The following PPME1 variants were observed in gnomAD, a reference collection of about 807,000 sequenced individuals.
PPME1 encodes the protein protein phosphatase methylesterase 1.
Under a neutral mutation model 56.9 loss-of-function variants are expected in PPME1, and 17 were observed. The ratio of observed to expected loss-of-function variants is 0.30; its 90% confidence interval spans 0.20 to 0.45. The LOEUF is 0.45. Among genes scored for constraint, PPME1 ranks in the 20% least tolerant of loss-of-function variants. PPME1 has a pLI of 1.00. For synonymous variants in PPME1, 122 were observed against 156.2 expected, an observed-to-expected ratio of 0.78 and a Z score of 1.63; for missense variants, 357 against 483.2, an observed-to-expected ratio of 0.74 and a Z score of 2.45.
At chr11:74,178,816 A>G (rs1461710604) in intron 1 of PPME1, among the ~76,000 whole-genome samples, 2 of 152,070 alleles carry the variant, frequency 1.3e-5, no homozygotes, top group African/African-American at 4.8e-5. Context: ...TTTATTTTAA[A>G]CCTAATGAGC....
At chr11:74,236,735 A>G (rs908006008) in intron 8 of PPME1, among the ~76,000 whole-genome samples, 20 of 152,138 alleles carry the variant, frequency 1.3e-4, no homozygotes, top group South Asian at 1.0e-3. Flanking sequence ...CTGTGCCCCT[A>G]TGTATTTCCC....
chr11:74,242,228 A>G (rs568744550), intron 9 of PPME1, among the ~76,000 whole-genome samples: 7 of 152,354 alleles, frequency 4.6e-5, no homozygotes, highest in South Asian at 4.1e-4. Context: ...ATTTATTGAA[A>G]AGGCTCCTTT....
intron 1 of PPME1, among the ~76,000 whole-genome samples, chr11:74,182,384 A>G (rs1857564410): frequency 1.3e-5 from 2 of 151,298 alleles, no homozygotes; most frequent in African/African-American, 4.9e-5. Context: ...TTTGAGACAG[A>G]GTTCTCACTC....
intron 5 of PPME1, among the ~76,000 whole-genome samples, chr11:74,225,904 G>C (rs567492680): frequency 6.6e-6 from 1 of 152,242 alleles, no homozygotes; most frequent in East Asian, 1.9e-4. Context: ...AATGACTGTT[G>C]TTTGGGAATC....
intron 1 of PPME1, among the ~76,000 whole-genome samples, chr11:74,174,127 A>G (rs534451719): frequency 5.9e-4 from 86 of 144,994 alleles, no homozygotes; most frequent in African/African-American, 2.4e-3. Flanking sequence ...ACATGGTCTC[A>G]TTTCACCACT....
At chr11:74,222,587 C>T (rs1350984835) in intron 4 of PPME1, 2 of 481,392 alleles carry the variant, frequency 4.2e-6, no homozygotes, top group African/African-American at 2.0e-5. Context: ...CTCCTGGGTT[C>T]AAGCAATTAT....
At chr11:74,216,911 G>A (rs191482983) in intron 3 of PPME1, among the ~76,000 whole-genome samples, 78 of 152,206 alleles carry the variant, frequency 5.1e-4, no homozygotes, top group African/African-American at 1.8e-3. Context: ...ACCTACGAAG[G>A]TTGAACCATG....
At position 74,209,899 on chromosome 11, in the gene PPME1, T is replaced by C. The variant is rs189628653; in HGVS notation, c.288+5454T>C. ...AGGAAAACTAAGCCAGTGTCTCTTATAAAATAGATACAGAAGTGGGGCATA... is the reference window on the plus strand; with the variant it reads ...AGGAAAACTAAGCCAGTGTCTCTTACAAAATAGATACAGAAGTGGGGCATA... On this transcript the variant is annotated intron_variant, in intron 3 of 13. Transcript: ENST00000328257. Among the ~76,000 whole-genome samples the C allele has an allele frequency of 6.3e-4, 96 of 152,250 alleles. 1 individual carries two copies. The highest frequency in any genetic ancestry group is 2.2e-3 in the African/African-American group (90 of 41,550).
rs776767719 is a variant in PPME1 at position 74,239,202 on chromosome 11, A to T, written c.780A>T (p.Glu260Asp). The T allele has an allele frequency of 1.6e-5, 25 of 1,612,678 alleles. No homozygotes were observed. The highest frequency in any genetic ancestry group is 2.0e-5 in the Non-Finnish European group (24 of 1,178,982). ...IVEGIIEEEE[E>D]DEEGSESISK... ...AAGGAATCATAGAGGAAGAAGAAGA[A>T]GATGAGGAAGGAAGTGAGTCTATAA... is the stretch of plus-strand genomic sequence containing the variant. Residue 260 changes from glutamate (E) to aspartate (D), a missense_variant, in exon 9 of 14, where the codon GAA becomes GAT. Physicochemically the swap from Glu to Asp is conservative, Grantham distance 45 (BLOSUM62 2). Around this residue, in one of 2 missense-constraint regions of PPME1, gnomAD observed 182 missense variants for 293.8 expected, o/e 0.62. Coordinates refer to ENST00000328257, the MANE Select transcript of PPME1 (RefSeq NM_016147.3).
chr11:74,202,761 T>A (rs1033237874), intron 1 of PPME1, among the ~76,000 whole-genome samples: 1 of 152,158 alleles, frequency 6.6e-6, no homozygotes, highest in Non-Finnish European at 1.5e-5. Context: ...TAATAATACA[T>A]GATCAAAAAT....
At chr11:74,182,195 AT>A (rs1205951970) in intron 1 of PPME1, among the ~76,000 whole-genome samples, 1 of 151,262 alleles carries the variant, frequency 6.6e-6, no homozygotes, top group Non-Finnish European at 1.5e-5. Flanking sequence ...ACTTGACTTT[AT>A]TTTTTTTTAA....
chr11:74,252,795 C>G (rs1264084890), intron 13 of PPME1, among the ~76,000 whole-genome samples: 1 of 152,144 alleles, frequency 6.6e-6, no homozygotes, highest in East Asian at 1.9e-4. Context: ...AGGGCCAGGT[C>G]TCTCATCCTA....
intron 3 of PPME1, 48 bp from the exon 4 acceptor site, chr11:74,222,264 A>G: frequency 7.0e-7 from 1 of 1,430,502 alleles, no homozygotes; most frequent in Non-Finnish European, 9.8e-7. Context: ...AATTGGGTGA[A>G]ATTTGTTATC....
intron 9 of PPME1, among the ~76,000 whole-genome samples, chr11:74,245,381 T>C (rs552302889): frequency 6.6e-6 from 1 of 152,298 alleles, no homozygotes; most frequent in African/African-American, 2.4e-5. Flanking sequence ...ATTTCAATTA[T>C]AATGTTTCAA....
intron 1 of PPME1, among the ~76,000 whole-genome samples, chr11:74,176,721 C>CTTTTT (rs780832040): frequency 8.8e-5 from 9 of 102,170 alleles, no homozygotes; most frequent in Non-Finnish European, 1.3e-4. Context: ...GTGTAGTGTC[C>CTTTTT]TTTTTTTTTT....
chr11:74,203,839 GCTT>G lies in PPME1; in HGVS notation c.195+19_195+21del. On this transcript the variant is annotated intron_variant, in intron 2 of 13. Coordinates refer to ENST00000328257, the MANE Select transcript of PPME1 (RefSeq NM_016147.3). ...GCAAGGATATATCCTTTGCAAAATG[GCTT>G]ATTCTTTAGTGAGCTTATGATGTTG... The G allele has an allele frequency of 6.4e-7, 1 of 1,556,058 alleles. No individual in the cohort carries two copies. Among genetic ancestry groups the G allele is most frequent in the Non-Finnish European group, 8.8e-7 (1 of 1,139,316 alleles).
intron 1 of PPME1, among the ~76,000 whole-genome samples, chr11:74,191,034 G>A (rs1440475241): frequency 6.6e-6 from 1 of 152,196 alleles, no homozygotes; most frequent in African/African-American, 2.4e-5. Context: ...CTCACAGCCT[G>A]GTATCAGATA....
At chr11:74,198,023 G>T (rs78273910) in intron 1 of PPME1, among the ~76,000 whole-genome samples, 28 of 152,208 alleles carry the variant, frequency 1.8e-4, no homozygotes, top group African/African-American at 6.7e-4. Flanking sequence ...GCAATAGGAG[G>T]GGGGAGGAAA....
chr11:74,224,787 T>C (rs1858892651), intron 4 of PPME1, among the ~76,000 whole-genome samples: 1 of 150,720 alleles, frequency 6.6e-6, no homozygotes, highest in Non-Finnish European at 1.5e-5. Context: ...TTTTTGTACA[T>C]TGATTTTGTA....
Sources: gnomAD v4.1 joint callset for allele counts (sites outside exome capture counted in the v4.1 genomes callset) on GRCh38, gnomAD v4.1.1 for gene constraint, gnomAD v4.1.1 regional missense constraint, MANE v1.5 for transcripts, NCBI Gene and HGNC (gene_info 2026-07-23, HGNC 2026-07-21) for gene names.